The following PRLR variants were observed in gnomAD, a reference collection of about 807,000 sequenced individuals.
PRLR encodes prolactin receptor.
A neutral mutation model predicts 40.2 loss-of-function variants in PRLR; 13 were observed. The observed-to-expected ratio is 0.32, with a 90% CI of 0.21 to 0.51. PRLR has a LOEUF of 0.51. PRLR is among the 20% of genes least tolerant of loss of function. The probability of loss-of-function intolerance (pLI) is 0.97; values close to 1 mark genes in which losing one functional copy is unlikely to be tolerated. For synonymous variants in PRLR, 269 were observed against 278.7 expected, an observed-to-expected ratio of 0.97 and a Z score of 0.35; for missense variants, 656 against 747.3, an observed-to-expected ratio of 0.88 and a Z score of 1.42.
intron 1 of PRLR, among the ~76,000 whole-genome samples, chr5:35,132,254 A>C (rs553429041): frequency 6.6e-6 from 1 of 152,232 alleles, no homozygotes; most frequent in South Asian, 2.1e-4. Flanking sequence ...GTGGTCTCTA[A>C]AGTCTCTAGT....
At chr5:35,122,547 C>T (rs898253122) in intron 1 of PRLR, among the ~76,000 whole-genome samples, 1 of 152,152 alleles carries the variant, frequency 6.6e-6, no homozygotes, top group Non-Finnish European at 1.5e-5. Flanking sequence ...CTGACATTAG[C>T]CCAAGGTTAG....
rs1281393088 is a variant in PRLR, at chr5:35,139,458, C to A, written c.-105-21336G>T. On this transcript the variant is annotated intron_variant, in intron 1 of 9. Coordinates refer to ENST00000618457, the MANE Select transcript of PRLR (RefSeq NM_000949.7). ...AACAAGTGCTAATAATAAAATGAATCCTGGTCAACAATTATAAACAAAGAA... is the reference window on the plus strand; with the variant it reads ...AACAAGTGCTAATAATAAAATGAATACTGGTCAACAATTATAAACAAAGAA... Among the ~76,000 whole-genome samples, 5 of 152,044 alleles carry A rather than the reference C, an allele frequency of 3.3e-5. No individual in the cohort carries two copies. The East Asian group carries it at 7.7e-4, about 23-fold the overall frequency.
chr5:35,096,424 T>C (rs1771538175), intron 2 of PRLR, among the ~76,000 whole-genome samples: 1 of 152,120 alleles, frequency 6.6e-6, no homozygotes, highest in South Asian at 2.1e-4. Context: ...GGACAGATGG[T>C]GGAAAACCCA....
intron 1 of PRLR, among the ~76,000 whole-genome samples, chr5:35,184,389 C>T (rs951372212): frequency 2.0e-5 from 3 of 152,142 alleles, no homozygotes; most frequent in Admixed American, 6.5e-5. Flanking sequence ...TGGCATGCCC[C>T]TGTAGCCCCA....
intron 1 of PRLR, among the ~76,000 whole-genome samples, chr5:35,127,863 G>A (rs1490058343): frequency 6.6e-6 from 1 of 152,162 alleles, no homozygotes; most frequent in Non-Finnish European, 1.5e-5. Flanking sequence ...GGAAGAAAAA[G>A]GAGTGGAGAG....
At chr5:35,084,408 T>C (rs1241912165) in intron 5 of PRLR, 62 bp downstream of exon 5, 4 of 1,432,270 alleles carry the variant, frequency 2.8e-6, no homozygotes, top group Non-Finnish European at 3.7e-6. Flanking sequence ...TCAAACTGAG[T>C]GTGACTATTG....
At chr5:35,135,804 G>T (rs1773839313) in intron 1 of PRLR, among the ~76,000 whole-genome samples, 1 of 152,190 alleles carries the variant, frequency 6.6e-6, no homozygotes, top group African/African-American at 2.4e-5. Flanking sequence ...GTTTTGTTCT[G>T]GGTGACATTG....
chr5:35,211,367 T>C (rs1455080597), intron 1 of PRLR, among the ~76,000 whole-genome samples: 1 of 152,160 alleles, frequency 6.6e-6, no homozygotes, highest in Non-Finnish European at 1.5e-5. Context: ...GTCACTGCAC[T>C]TCAAGGACTC....
rs1203917824 is a variant in PRLR, at chr5:35,057,729, A to G, written c.*7360T>C. ...AAAATGCAAAATAACAAATCAGATA[A>G]CTATAGTCTTCTATAAATCTTTAAG... On this transcript the variant is annotated 3_prime_UTR_variant, in exon 10 of 10. Coordinates refer to ENST00000618457, the MANE Select transcript of PRLR (RefSeq NM_000949.7). The G allele has an allele frequency of 6.6e-6, 1 of 152,162 alleles. No homozygotes were observed. The highest frequency in any genetic ancestry group is 2.4e-5 in the African/African-American group (1 of 41,450). 9.4% of individuals were successfully genotyped at this position (152,162 alleles called of 1,614,324 possible).
intron 1 of PRLR, among the ~76,000 whole-genome samples, chr5:35,143,142 G>A (rs1027086673): frequency 3.9e-5 from 6 of 152,278 alleles, no homozygotes; most frequent in South Asian, 2.1e-4. Context: ...AGCCAGAGTC[G>A]GCAAACTTTT....
In PRLR at chr5:35,210,630, T is replaced by A. The variant is rs148799291; in HGVS notation, c.-106+19638A>T. ...TTATGCTAAATTATATCCAAGATTT[T>A]CTCATTCTACAGAAAGAATGTGGTT... On this transcript the variant is annotated intron_variant, in intron 1 of 9. Transcript: ENST00000618457. Among the ~76,000 whole-genome samples the A allele has an allele frequency of 9.7e-4, 147 of 152,326 alleles. 1 individual carries two copies. Among genetic ancestry groups the A allele is most frequent in the African/African-American group, 3.2e-3 (132 of 41,570 alleles).
intron 1 of PRLR, among the ~76,000 whole-genome samples, chr5:35,139,283 C>T (rs181888888): frequency 0.012 from 1,841 of 152,072 alleles, 14 homozygotes; most frequent in Middle Eastern, 0.024. Context: ...TACAGTCGTG[C>T]GCCACCACAC....
rs547422055 is a variant in PRLR at position 35,215,960 on chromosome 5, C to T, written c.-106+14308G>A. ...GGCTGAGGCAAGAGAATCGCTTGAA[C>T]GCAGGAGGCAGAGGTTGCAGTGAGC... On this transcript the variant is annotated intron_variant, in intron 1 of 9. Coordinates refer to ENST00000618457, the MANE Select transcript of PRLR (RefSeq NM_000949.7). Among the ~76,000 whole-genome samples the T allele has an allele frequency of 9.3e-5, 14 of 150,284 alleles. No homozygotes were observed. In the East Asian group the frequency reaches 1.6e-3, roughly 17 times the overall value.
intron 2 of PRLR, among the ~76,000 whole-genome samples, chr5:35,095,238 A>G (rs558662743): frequency 6.6e-6 from 1 of 152,352 alleles, no homozygotes; most frequent in East Asian, 1.9e-4. Flanking sequence ...GATATTACAT[A>G]CCAGGCTAAA....
chr5:35,208,851 A>T (rs942105657), intron 1 of PRLR, among the ~76,000 whole-genome samples: 24 of 152,254 alleles, frequency 1.6e-4, no homozygotes, highest in African/African-American at 5.5e-4. Flanking sequence ...CAATAAAAGA[A>T]GTATGAAGGG....
intron 5 of PRLR, among the ~76,000 whole-genome samples, chr5:35,080,164 G>C (rs1166112807): frequency 6.6e-6 from 1 of 152,072 alleles, no homozygotes; most frequent in Non-Finnish European, 1.5e-5. Flanking sequence ...AAAAGCAATG[G>C]CAACAAAAGC....
intron 1 of PRLR, among the ~76,000 whole-genome samples, chr5:35,144,896 A>T (rs1774137080): frequency 6.6e-6 from 1 of 152,136 alleles, no homozygotes; most frequent in Admixed American, 6.5e-5. Context: ...TTTGCCTTTG[A>T]TTTGCAGCAT....
At chr5:35,228,746 T>C (rs1776616261) in intron 1 of PRLR, among the ~76,000 whole-genome samples, 1 of 152,134 alleles carries the variant, frequency 6.6e-6, no homozygotes, top group South Asian at 2.1e-4. Flanking sequence ...AGCTCACCCA[T>C]GACAGGGGAG....
intron 1 of PRLR, among the ~76,000 whole-genome samples, chr5:35,225,338 A>G (rs1408544052): frequency 6.6e-6 from 1 of 152,204 alleles, no homozygotes; most frequent in Non-Finnish European, 1.5e-5. Context: ...AACCAGCAGC[A>G]TGAGGGTGGG....
Sources: allele counts gnomAD v4.1 joint callset (sites outside exome capture counted in the v4.1 genomes callset), GRCh38; gene constraint gnomAD v4.1.1; transcripts MANE v1.5; gene names NCBI Gene and HGNC (gene_info 2026-07-23, HGNC 2026-07-21).